The following PLEKHD1 variants were observed in gnomAD, a reference collection of about 807,000 sequenced individuals.
PLEKHD1 encodes the protein pleckstrin homology domain-containing family D member 1.
PLEKHD1 carries 51 observed loss-of-function variants against 69.2 expected under a neutral mutation model. The observed-to-expected ratio is 0.74, with a 90% confidence interval of 0.59 to 0.93. PLEKHD1 has a LOEUF of 0.93. Among genes scored for constraint, PLEKHD1 ranks in the 40% least tolerant of loss-of-function variants. The pLI is 0.00. For synonymous variants in PLEKHD1, 236 were observed against 244.7 expected (o/e 0.96, Z 0.33); for missense variants, 584 against 641.0 (o/e 0.91, Z 0.96).
rs371312718 is a variant in PLEKHD1 at position 69,526,159 on chromosome 14, T to C, written c.923+37T>C. On this transcript the variant is annotated intron_variant, in intron 9 of 12. Transcript: ENST00000322564. ...CCGACCCCTGAAGACACCATTGACT[T>C]TGGGGTCTGGGGACTTTCCTCGAAC... The C allele has an allele frequency of 8.2e-4, 1,237 of 1,512,472 alleles. 2 individuals carry two copies. Among genetic ancestry groups the C allele is most frequent in the Non-Finnish European group, 1.0e-3 (1,180 of 1,130,894 alleles). 93.7% of individuals were successfully genotyped at this position (1,512,472 alleles called of 1,614,324 possible). A position where few individuals can be genotyped will look rare whatever the true frequency, so the allele number is the denominator to read the frequency against.
At chr14:69,513,307 C>T (rs879579926) in intron 6 of PLEKHD1, among the ~76,000 whole-genome samples, 12 of 151,780 alleles carry the variant, frequency 7.9e-5, no homozygotes, top group Non-Finnish European at 1.3e-4. Context: ...GAAAGATTCG[C>T]GAATCAGGCA....
At chr14:69,497,975 C>G in intron 1 of PLEKHD1, among the ~76,000 whole-genome samples, 1 of 151,900 alleles carries the variant, frequency 6.6e-6, no homozygotes, top group Admixed American at 6.6e-5. Context: ...TCACTTGAGG[C>G]CAAGAGTTCG....
At position 69,509,015 on chromosome 14, in the gene PLEKHD1, TC is replaced by T. The variant is rs1314269193; in HGVS notation, c.555+6139del. On this transcript the variant is annotated intron_variant, in intron 6 of 12. Transcript: ENST00000322564. Reference sequence around the variant, plus strand: ...CAGTAGAATGCTGAGTTGGTCACAATCCCTTTGGCCTTTTCGGCTCCCAACA... The same window carrying T: ...CAGTAGAATGCTGAGTTGGTCACAATCCTTTGGCCTTTTCGGCTCCCAACA... Among the ~76,000 whole-genome samples, 6 of 152,168 alleles carry T rather than the reference TC, an allele frequency of 3.9e-5. No homozygotes were observed. The East Asian group carries it at 1.2e-3, about 29-fold the overall frequency.
Position 69,526,816 on chromosome 14 carries a change from A to G in PLEKHD1, c.1043A>G (p.Glu348Gly). ...CTGACGGCAGAGAAGCAGCAGGCTG[A>G]GCGGGAGCTCAAGGTGCGACCTGGC... ...QELTAEKQQAERELKAEVKVR... is the reference protein window; with the variant it reads ...QELTAEKQQAGRELKAEVKVR... Residue 348 changes from glutamate (E) to glycine (G), a missense_variant, in exon 10 of 13, where the codon GAG becomes GGG. By Grantham distance (98) the Glu-to-Gly change is moderately conservative (BLOSUM62 -2). Coordinates refer to ENST00000322564, the MANE Select transcript of PLEKHD1 (RefSeq NM_001161498.2). 1 of 1,546,596 alleles carries G rather than the reference A, an allele frequency of 6.5e-7. No individual in the cohort carries two copies. Among genetic ancestry groups the G allele is most frequent in the Non-Finnish European group, 8.7e-7 (1 of 1,144,590 alleles).
intron 1 of PLEKHD1, among the ~76,000 whole-genome samples, chr14:69,489,855 T>TA: frequency 7.2e-6 from 1 of 138,150 alleles, no homozygotes; most frequent in Admixed American, 7.1e-5. Flanking sequence ...GTTATATATA[T>TA]TTTTTGTTTG....
chr14:69,473,851 C>A, the PLEKHD1 span, among the ~76,000 whole-genome samples: 1 of 152,168 alleles, frequency 6.6e-6, no homozygotes, highest in Non-Finnish European at 1.5e-5. Context: ...AATTTGATAA[C>A]CATCTTCAGA....
chr14:69,518,447 A>G (rs533232078), intron 6 of PLEKHD1, among the ~76,000 whole-genome samples: 1 of 152,312 alleles, frequency 6.6e-6, no homozygotes, highest in Admixed American at 6.5e-5. Context: ...AGATGCTTGA[A>G]ACATATTAGA....
rs865779541 is a variant in PLEKHD1 at position 69,526,905 on chromosome 14, G to A, written c.1056+76G>A. 5.5e-6 allele frequency: 8 copies of A among 1,445,526 alleles called. No individual in the cohort carries two copies. In the Middle Eastern group the frequency reaches 9.7e-4, roughly 176 times the overall value. 89.5% of individuals were successfully genotyped at this position (1,445,526 alleles called of 1,614,324 possible). A position where few individuals can be genotyped will look rare whatever the true frequency, so the allele number is the denominator to read the frequency against. ...CCCTTCCACCCCTGCACTTTACCGGGTAGCTGCATGAATTATCTCTGTCAG... is the reference window on the plus strand; with the variant it reads ...CCCTTCCACCCCTGCACTTTACCGGATAGCTGCATGAATTATCTCTGTCAG... On this transcript the variant is annotated intron_variant, in intron 10 of 12. Coordinates refer to ENST00000322564, the MANE Select transcript of PLEKHD1 (RefSeq NM_001161498.2).
chr14:69,496,896 C>T lies in PLEKHD1; in HGVS notation c.150-3219C>T, dbSNP rs992931. On this transcript the variant is annotated intron_variant, in intron 1 of 12. Coordinates refer to ENST00000322564, the MANE Select transcript of PLEKHD1 (RefSeq NM_001161498.2). ...GCCACAGTCCTATTGGATTAGGGCC[C>T]TACCCTTAAGACCTTCCTTAACATT... Among the ~76,000 whole-genome samples, 1,375 of 152,078 alleles carry T rather than the reference C, an allele frequency of 9.0e-3. 19 individuals are homozygous for T. The highest frequency in any genetic ancestry group is 0.03 in the African/African-American group (1,244 of 41,480).
intron 1 of PLEKHD1, among the ~76,000 whole-genome samples, chr14:69,490,118 T>G (rs1166570164): frequency 6.6e-6 from 1 of 152,220 alleles, no homozygotes; most frequent in Admixed American, 6.5e-5. Context: ...TCTGCCCGCC[T>G]CGGCCTCCCA....
At chr14:69,482,413 A>C (rs547478185), upstream of PLEKHD1, among the ~76,000 whole-genome samples, 1 of 152,346 alleles carries the variant, frequency 6.6e-6, no homozygotes, top group South Asian at 2.1e-4. Flanking sequence ...CTAAAAGGAT[A>C]TTGGGAGAGC....
intron 6 of PLEKHD1, among the ~76,000 whole-genome samples, chr14:69,512,911 AGAGAG>A (rs1883301728): frequency 6.6e-6 from 1 of 150,866 alleles, no homozygotes; most frequent in African/African-American, 2.5e-5. Flanking sequence ...AAAAAAAAAA[AGAGAG>A]AGAGAGAAAG....
At chr14:69,505,354 G>A (rs1199506157) in intron 6 of PLEKHD1, among the ~76,000 whole-genome samples, 1 of 152,198 alleles carries the variant, frequency 6.6e-6, no homozygotes, top group Non-Finnish European at 1.5e-5. Context: ...TGCATAGGAT[G>A]GGTCTGCCTG....
chr14:69,500,346 A>G, intron 2 of PLEKHD1, 138 bp downstream of exon 2: 1 of 795,488 alleles, frequency 1.3e-6, no homozygotes. Flanking sequence ...TTGGGGCAAA[A>G]GACCCCCTGC....
chr14:69,505,051 A>G (rs1426541126), intron 6 of PLEKHD1, among the ~76,000 whole-genome samples: 4 of 152,218 alleles, frequency 2.6e-5, no homozygotes, highest in African/African-American at 9.6e-5. Flanking sequence ...CTAGGTCTTT[A>G]GCCAGGAAAT....
chr14:69,502,612 C>A, intron 5 of PLEKHD1: 1 of 587,818 alleles, frequency 1.7e-6, no homozygotes, highest in South Asian at 2.0e-5. Flanking sequence ...CCCCTCATAA[C>A]CCTAGGAAAA....
Position 69,486,736 on chromosome 14 carries a change from C to T in PLEKHD1, c.149+1622C>T, listed in dbSNP as rs774509788. Among the ~76,000 whole-genome samples the T allele has an allele frequency of 5.9e-5, 9 of 152,150 alleles. No homozygotes were observed. In the South Asian group the frequency reaches 6.2e-4, roughly 11 times the overall value. ...CTAGAAAATGCTAGGTGCTTGTGACCCCCAGGGTATGTCCCCTGGTCCTCC... is the reference window on the plus strand; with the variant it reads ...CTAGAAAATGCTAGGTGCTTGTGACTCCCAGGGTATGTCCCCTGGTCCTCC... On this transcript the variant is annotated intron_variant, in intron 1 of 12. Coordinates refer to ENST00000322564, the MANE Select transcript of PLEKHD1 (RefSeq NM_001161498.2).
intron 6 of PLEKHD1, among the ~76,000 whole-genome samples, chr14:69,516,929 C>T (rs1437917431): frequency 2.0e-5 from 3 of 152,172 alleles, no homozygotes; most frequent in African/African-American, 7.2e-5. Flanking sequence ...TCTTGGCCTC[C>T]CAAAGGGCTG....
At chr14:69,514,623 T>C (rs1353487076) in intron 6 of PLEKHD1, among the ~76,000 whole-genome samples, 3 of 152,198 alleles carry the variant, frequency 2.0e-5, no homozygotes, top group South Asian at 2.1e-4. Flanking sequence ...CCTTCTAGTA[T>C]GCCTTGTGAT....
Sources: allele counts gnomAD v4.1 joint callset (sites outside exome capture counted in the v4.1 genomes callset), GRCh38; gene constraint gnomAD v4.1.1; transcripts MANE v1.5; gene names NCBI Gene and HGNC (gene_info 2026-07-23, HGNC 2026-07-21).